Variants in SLC25A6 observed in about 807,000 individuals in gnomAD.
SLC25A6 encodes solute carrier family 25 member 6, also known as ADP/ATP translocase 3.
SLC25A6 carries 9 observed loss-of-function variants against 25.7 expected under a neutral mutation model. The observed-to-expected ratio is 0.35, with a 90% confidence interval of 0.21 to 0.61. SLC25A6 has a LOEUF of 0.61. Among genes scored for constraint, SLC25A6 ranks in the 20% least tolerant of loss-of-function variants. SLC25A6 has a pLI of 0.76. For missense variants in SLC25A6, 404 were observed against 440.5 expected (o/e 0.92, Z 0.74); for synonymous variants, 223 against 197.0 (o/e 1.13, Z -1.11).
At chrX:1,389,008 C>T (rs769821997) in intron 2 of SLC25A6, among the ~76,000 whole-genome samples, 1 of 151,570 alleles carries the variant, frequency 6.6e-6, no homozygotes, top group East Asian at 1.9e-4. Context: ...TGATAGCAGC[C>T]TGAAATGGAT....
In SLC25A6 at chrX:1,389,653, G is replaced by C. The variant is rs1178266866; in HGVS notation, c.186C>G (p.Pro62=). The C allele has an allele frequency of 6.2e-7, 1 of 1,613,858 alleles. No homozygotes were observed. The highest frequency in any genetic ancestry group is 1.3e-5 in the African/African-American group (1 of 74,874). ...AGAAGGACAGCACGCCCTGCTCCTT[G>C]GGGATGCGGACAATGCAGTCCACGA... is the stretch of plus-strand genomic sequence containing the variant. The part of the protein sequence containing the change: ...KGIVDCIVRI[P]KEQGVLSFWR... Residue 62 remains proline, a synonymous_variant, in exon 2 of 4, where the codon CCC becomes CCG. Coordinates refer to ENST00000381401, the MANE Select transcript of SLC25A6 (RefSeq NM_001636.4).
chrX:1,389,223 G>A lies in SLC25A6; in HGVS notation c.598+18C>T, dbSNP rs188686177. 4,439 of 1,604,596 alleles carry A rather than the reference G, an allele frequency of 2.8e-3. 121 individuals are homozygous for A. The African/African-American group carries it at 0.052, about 19-fold the overall frequency. On this transcript the variant is annotated intron_variant, in intron 2 of 3. Transcript: ENST00000381401. ...GTTGAGCCCGTCTCTGGGACTTCGC[G>A]ATGGCAGCCACACGTACCCTTGGCC...
rs772074841 is a variant in SLC25A6, at chrX:1,389,787, G to A, written c.112-60C>T. The A allele has an allele frequency of 1.5e-5, 24 of 1,580,398 alleles. No individual in the cohort carries two copies. In the Middle Eastern group the frequency reaches 6.9e-4, roughly 46 times the overall value. Reference sequence around the variant, plus strand: ...GGGCCAACCACCCAGAAACATCCCAGCTACAGGGTGCATCCTTTTTTTGAC... The same window carrying A: ...GGGCCAACCACCCAGAAACATCCCAACTACAGGGTGCATCCTTTTTTTGAC... On this transcript the variant is annotated intron_variant, in intron 1 of 3. Transcript: ENST00000381401.
At chrX:1,391,836 G>C in intron 1 of SLC25A6, 63 bp downstream of exon 1, 2 of 1,335,990 alleles carry the variant, frequency 1.5e-6, no homozygotes, top group African/African-American at 1.5e-5. Flanking sequence ...CCACGTCCCC[G>C]CCCGACCCGG....
In SLC25A6 at chrX:1,391,997, C is replaced by T. The variant is rs1279406439; in HGVS notation, c.13G>A (p.Ala5Thr). 6.2e-7 allele frequency: 1 copy of T among 1,607,452 alleles called. No homozygotes were observed. Among genetic ancestry groups the T allele is most frequent in the Non-Finnish European group, 8.5e-7 (1 of 1,178,144 alleles). The stretch of plus-strand genomic sequence containing the variant: ...AAGAAGTCTTTGGCGAAGGAGATGG[C>T]CTGTTCCGTCATGGTGGCAGGGCGG... MTEQAISFAKDFLAG... is the reference protein window; with the variant it reads MTEQTISFAKDFLAG... Residue 5 changes from alanine to threonine, a missense_variant, in exon 1 of 4, where the codon GCC becomes ACC. By Grantham distance (58) the Ala-to-Thr change is moderately conservative (BLOSUM62 0). Coordinates refer to ENST00000381401, the MANE Select transcript of SLC25A6 (RefSeq NM_001636.4).
At chrX:1,389,749 C>CA in intron 1 of SLC25A6, 22 bp from the exon 2 acceptor site, 1 of 1,605,624 alleles carries the variant, frequency 6.2e-7, no homozygotes, top group Non-Finnish European at 8.5e-7. Context: ...AGAGGGTGTT[C>CA]AGACCAGACC....
chrX:1,386,573 G>A lies in SLC25A6; in HGVS notation c.*29C>T, dbSNP rs773673685. On this transcript the variant is annotated 3_prime_UTR_variant, in exon 4 of 4. Coordinates refer to ENST00000381401, the MANE Select transcript of SLC25A6 (RefSeq NM_001636.4). Reference sequence around the variant, plus strand: ...GTGGTTCTCTTGGTTCCCCTGGTGTGTGTGTGTGTGTGGAGGAGGCCGCGG... The same window carrying A: ...GTGGTTCTCTTGGTTCCCCTGGTGTATGTGTGTGTGTGGAGGAGGCCGCGG... The A allele has an allele frequency of 1.3e-6, 2 of 1,512,184 alleles. No individual in the cohort carries two copies. The highest frequency in any genetic ancestry group is 1.3e-5 in the South Asian group (1 of 75,234). 93.7% of individuals were successfully genotyped at this position (1,512,184 alleles called of 1,614,324 possible).
At position 1,392,063 on chromosome X, in the gene SLC25A6, G is replaced by A; in HGVS notation, c.-54C>T. On this transcript the variant is annotated 5_prime_UTR_variant, in exon 1 of 4. Transcript: ENST00000381401. ...GACAGCCGGAGAACGGGCGCGGAGAGTGAATGGAGGGCGTCGCTGGCTCAG... is the reference window on the plus strand; with the variant it reads ...GACAGCCGGAGAACGGGCGCGGAGAATGAATGGAGGGCGTCGCTGGCTCAG... 7.5e-7 allele frequency: 1 copy of A among 1,341,338 alleles called. No homozygotes were observed. Among genetic ancestry groups the A allele is most frequent in the Non-Finnish European group, 1.0e-6 (1 of 955,162 alleles). The allele number at this position is 1,341,338 out of a possible 1,614,324, so 83.1% of individuals were successfully genotyped here. A position where few individuals can be genotyped will look rare whatever the true frequency, so the allele number is the denominator to read the frequency against.
In SLC25A6 at chrX:1,391,922, C is replaced by G. The variant is rs1273309637; in HGVS notation, c.88G>C (p.Glu30Gln). Residue 30 changes from glutamate to glutamine, a missense_variant, in exon 1 of 4, where the codon GAG becomes CAG. By Grantham distance (29) the Glu-to-Gln change is conservative. Transcript: ENST00000381401. The stretch of plus-strand genomic sequence containing the variant: ...ACCTGCAGCAGCAGCTTGACCCGCT[C>G]GATCGGAGCCACGGCCGTCTTGGAG... ...AISKTAVAPI[E>Q]RVKLLLQVQH... 10 of 1,608,348 alleles carry G rather than the reference C, an allele frequency of 6.2e-6. No individual in the cohort carries two copies. Among genetic ancestry groups the G allele is most frequent in the Non-Finnish European group, 8.5e-6 (10 of 1,178,578 alleles).
rs11536 is a variant in SLC25A6, at chrX:1,386,271, C to T, written c.*331G>A. On this transcript the variant is annotated 3_prime_UTR_variant, in exon 4 of 4. Coordinates refer to ENST00000381401, the MANE Select transcript of SLC25A6 (RefSeq NM_001636.4). ...GAAGTACAAATGGGAAAACGTGATT[C>T]TTTTGTTTTAAATAAATACTTAGAA... The T allele has an allele frequency of 0.011, 3,429 of 307,232 alleles. 96 individuals carry two copies. The highest frequency in any genetic ancestry group is 0.065 in the African/African-American group (3,053 of 46,776). 19.0% of individuals were successfully genotyped at this position (307,232 alleles called of 1,614,324 possible). A position where few individuals can be genotyped will look rare whatever the true frequency, so the allele number is the denominator to read the frequency against.
chrX:1,391,776 A>C, intron 1 of SLC25A6, 123 bp downstream of exon 1: 3 of 700,918 alleles, frequency 4.3e-6, no homozygotes, highest in Middle Eastern at 4.0e-4. Context: ...CGCGTGGACA[A>C]AGCGATCGCG....
At position 1,389,534 on chromosome X, in the gene SLC25A6, C is replaced by G. The variant is rs762241454; in HGVS notation, c.305G>C (p.Gly102Ala). Residue 102 changes from glycine to alanine, a missense_variant, in exon 2 of 4, where the codon GGC (glycine) becomes GCC (alanine). Gly to Ala is a moderately conservative substitution (Grantham distance 60). Coordinates refer to ENST00000381401, the MANE Select transcript of SLC25A6 (RefSeq NM_001636.4). ...CCAGAACTGCGTGTGCTTGTCCACGCCCCCCAGGAAGATCTGCTTGTACTT... is the reference window on the plus strand; with the variant it reads ...CCAGAACTGCGTGTGCTTGTCCACGGCCCCCAGGAAGATCTGCTTGTACTT... ...KDKYKQIFLG[G>A]VDKHTQFWRY... 2 of 1,614,170 alleles carry G rather than the reference C, an allele frequency of 1.2e-6. No individual in the cohort carries two copies. The highest frequency in any genetic ancestry group is 1.7e-5 in the Admixed American group (1 of 60,004).
chrX:1,389,441 G>C lies in SLC25A6; in HGVS notation c.398C>G (p.Pro133Arg). 6.2e-7 allele frequency: 1 copy of C among 1,613,880 alleles called. No individual in the cohort carries two copies. The highest frequency in any genetic ancestry group is 8.5e-7 in the Non-Finnish European group (1 of 1,179,902). Residue 133 changes from proline (P) to arginine (R), a missense_variant, in exon 2 of 4, where the codon CCG becomes CGG. Transcript: ENST00000381401. The stretch of plus-strand genomic sequence containing the variant: ...CAGGCGGGTTCTGGCGAAATCCAGC[G>C]GGTACACGAAGCAGAGGGAGGTCGC... ...AGATSLCFVY[P>R]LDFARTRLAA...
chrX:1,389,044 T>G (rs1249845612), intron 2 of SLC25A6, among the ~76,000 whole-genome samples, 197 bp downstream of exon 2: 1 of 150,662 alleles, frequency 6.6e-6, no homozygotes, highest in East Asian at 2.0e-4. Flanking sequence ...GAAGAGAGGA[T>G]GAGGACACAG....
At position 1,392,046 on chromosome X, in the gene SLC25A6, G is replaced by C. The variant is rs780342264; in HGVS notation, c.-37C>G. The C allele has an allele frequency of 4.0e-6, 6 of 1,504,576 alleles. No individual in the cohort carries two copies. The South Asian group carries it at 4.7e-5, about 12-fold the overall frequency. The allele number at this position is 1,504,576 out of a possible 1,614,324, so 93.2% of individuals were successfully genotyped here. Reference sequence around the variant, plus strand: ...GGGCAGCGGAACGGGAGGACAGCCGGAGAACGGGCGCGGAGAGTGAATGGA... The same window carrying C: ...GGGCAGCGGAACGGGAGGACAGCCGCAGAACGGGCGCGGAGAGTGAATGGA... On this transcript the variant is annotated 5_prime_UTR_variant, in exon 1 of 4. Transcript: ENST00000381401.
rs2149241929 is a variant in SLC25A6, at chrX:1,392,105, A to G, written c.-96T>C. The stretch of plus-strand genomic sequence containing the variant: ...CTGGCTCAGCCCTGCCGCCGCCTGG[A>G]CCGAAAGGACGGAGCAGCCACCGCG... On this transcript the variant is annotated 5_prime_UTR_variant, in exon 1 of 4. Coordinates refer to ENST00000381401, the MANE Select transcript of SLC25A6 (RefSeq NM_001636.4). 2 of 890,916 alleles carry G rather than the reference A, an allele frequency of 2.2e-6. No homozygotes were observed. Among genetic ancestry groups the G allele is most frequent in the East Asian group, 2.8e-5 (1 of 35,526 alleles). The allele number at this position is 890,916 out of a possible 1,614,324, so 55.2% of individuals were successfully genotyped here. A position where few individuals can be genotyped will look rare whatever the true frequency, so the allele number is the denominator to read the frequency against.
At position 1,391,945 on chromosome X, in the gene SLC25A6, G is replaced by A; in HGVS notation, c.65C>T (p.Ser22Phe). 1 of 1,609,982 alleles carries A rather than the reference G, an allele frequency of 6.2e-7. No homozygotes were observed. Among genetic ancestry groups the A allele is most frequent in the Non-Finnish European group, 8.5e-7 (1 of 1,179,034 alleles). Residue 22 changes from serine (S) to phenylalanine (F), a missense_variant, in exon 1 of 4, where the codon TCC becomes TTC. Transcript: ENST00000381401. The stretch of plus-strand genomic sequence containing the variant: ...CTCGATCGGAGCCACGGCCGTCTTG[G>A]AGATGGCGGCGGCGATGCCTCCGGC... ...FLAGGIAAAISKTAVAPIERV... is the reference protein window; with the variant it reads ...FLAGGIAAAIFKTAVAPIERV...
At chrX:1,387,930 A>T (rs2089347535) in intron 2 of SLC25A6, among the ~76,000 whole-genome samples, 1 of 152,156 alleles carries the variant, frequency 6.6e-6, no homozygotes, top group South Asian at 2.1e-4. Flanking sequence ...CTGTGAGGAC[A>T]CAGGGAGAAG....
In SLC25A6 at chrX:1,391,816, G is replaced by A. The variant is rs1165109565; in HGVS notation, c.111+83C>T. On this transcript the variant is annotated intron_variant, in intron 1 of 3. Coordinates refer to ENST00000381401, the MANE Select transcript of SLC25A6 (RefSeq NM_001636.4). ...TCCACTTCCGGCGCCCGCCTGCAAG[G>A]CTCTGCTGCCCACGTCCCCGCCCGA... is the stretch of plus-strand genomic sequence containing the variant. The A allele has an allele frequency of 1.3e-5, 14 of 1,097,304 alleles. No homozygotes were observed. The Admixed American group carries it at 2.7e-4, about 22-fold the overall frequency. 68.0% of individuals were successfully genotyped at this position (1,097,304 alleles called of 1,614,324 possible). A position where few individuals can be genotyped will look rare whatever the true frequency, so the allele number is the denominator to read the frequency against.
Sources: gnomAD v4.1 joint callset for allele counts (sites outside exome capture counted in the v4.1 genomes callset) on GRCh38, gnomAD v4.1.1 for gene constraint, MANE v1.5 for transcripts, NCBI Gene and HGNC (gene_info 2026-07-23, HGNC 2026-07-21) for gene names.